N4BP1: variants seen among roughly 807,000 people sequenced by gnomAD.
The protein encoded by N4BP1 is NEDD4-binding protein 1.
Under a neutral mutation model 70.9 loss-of-function variants are expected in N4BP1, and 21 were observed. That is an observed-to-expected ratio of 0.30 (90% confidence interval 0.21 to 0.43). N4BP1 has a LOEUF of 0.43. Among genes scored for constraint, N4BP1 ranks in the 20% least tolerant of loss-of-function variants. The pLI, the probability that N4BP1 is intolerant of heterozygous loss-of-function variation, is 1.00. For synonymous variants in N4BP1, 387 were observed against 394.6 expected (o/e 0.98, Z 0.23); for missense variants, 936 against 1,069.4 (o/e 0.88, Z 1.74).
chr16:48,550,715 C>A (rs1455780493), intron 4 of N4BP1, among the ~76,000 whole-genome samples: 2 of 151,680 alleles, frequency 1.3e-5, no homozygotes, highest in Non-Finnish European at 2.9e-5. Context: ...ACCACCCTGG[C>A]CAACATGGAA....
chr16:48,540,659 C>T lies in N4BP1; in HGVS notation c.*2245G>A, dbSNP rs1449411530. ...CCTCCCTGTTGAATGAGAGTGACATCTCTGCCCTGCCACCTACTTTACATG... is the reference window on the plus strand; with the variant it reads ...CCTCCCTGTTGAATGAGAGTGACATTTCTGCCCTGCCACCTACTTTACATG... On this transcript the variant is annotated 3_prime_UTR_variant, in exon 7 of 7. Transcript: ENST00000262384. 6.6e-6 allele frequency: 1 copy of T among 152,282 alleles called. No individual in the cohort carries two copies. Among genetic ancestry groups the T allele is most frequent in the African/African-American group, 2.4e-5 (1 of 41,458 alleles). The allele number at this position is 152,282 out of a possible 1,614,324, so 9.4% of individuals were successfully genotyped here.
intron 1 of N4BP1, among the ~76,000 whole-genome samples, chr16:48,579,876 T>C (rs1447163145): frequency 6.6e-6 from 1 of 152,110 alleles, no homozygotes; most frequent in African/African-American, 2.4e-5. Flanking sequence ...AAAGTCATTA[T>C]AAAATATTAA....
intron 6 of N4BP1, among the ~76,000 whole-genome samples, chr16:48,545,016 G>A (rs113984423): frequency 6.6e-6 from 1 of 152,070 alleles, no homozygotes; most frequent in South Asian, 2.1e-4. Context: ...CCAGGCTGGA[G>A]TGTAGTGGCA....
At position 48,609,837 on chromosome 16, in the gene N4BP1, G is replaced by C. The variant is rs1490518679; in HGVS notation, c.136C>G (p.Pro46Ala). 1 of 1,488,064 alleles carries C rather than the reference G, an allele frequency of 6.7e-7. No individual in the cohort carries two copies. Among genetic ancestry groups the C allele is most frequent in the Non-Finnish European group, 8.9e-7 (1 of 1,123,896 alleles). The allele number at this position is 1,488,064 out of a possible 1,614,324, so 92.2% of individuals were successfully genotyped here. A position where few individuals can be genotyped will look rare whatever the true frequency, so the allele number is the denominator to read the frequency against. Reference sequence around the variant, plus strand: ...TGCAGCCAGATGCGCGCGGGCAGCGGCTCCTCAGCCCCTAGCGCGCCGAGC... The same window carrying C: ...TGCAGCCAGATGCGCGCGGGCAGCGCCTCCTCAGCCCCTAGCGCGCCGAGC... ...AVLGALGAEE[P>A]LPARIWLQLC... Residue 46 changes from proline (P) to alanine (A), a missense_variant, in exon 1 of 7, where the codon CCG becomes GCG. Transcript: ENST00000262384.
intron 1 of N4BP1, 31 bp from the exon 2 acceptor site, chr16:48,562,475 T>C (rs1327502741): frequency 6.5e-7 from 1 of 1,534,466 alleles, no homozygotes; most frequent in Non-Finnish European, 8.8e-7. Context: ...ATTAGGTCAA[T>C]TTACAAAAGT....
intron 3 of N4BP1, among the ~76,000 whole-genome samples, chr16:48,551,733 A>C (rs527643102): frequency 6.6e-6 from 1 of 152,316 alleles, no homozygotes; most frequent in East Asian, 1.9e-4. Context: ...TCTCAAGAAT[A>C]GTAGGCCAGG....
chr16:48,570,847 G>A (rs1964009340), intron 1 of N4BP1, among the ~76,000 whole-genome samples: 1 of 152,010 alleles, frequency 6.6e-6, no homozygotes, highest in African/African-American at 2.4e-5. Context: ...TGAGATAAGA[G>A]TCTCACTCTG....
intron 1 of N4BP1, among the ~76,000 whole-genome samples, chr16:48,599,203 C>T (rs1391369674): frequency 1.3e-5 from 2 of 152,126 alleles, no homozygotes; most frequent in Non-Finnish European, 2.9e-5. Flanking sequence ...GCCCCCGCCC[C>T]TCATCCCCAT....
chr16:48,566,094 T>C (rs1280189432), intron 1 of N4BP1, among the ~76,000 whole-genome samples: 2 of 152,178 alleles, frequency 1.3e-5, no homozygotes, highest in Non-Finnish European at 2.9e-5. Context: ...TTGTCAGTGT[T>C]TTCAACTTCA....
At chr16:48,594,867 T>C (rs1388108197) in intron 1 of N4BP1, among the ~76,000 whole-genome samples, 1 of 152,206 alleles carries the variant, frequency 6.6e-6, no homozygotes, top group Non-Finnish European at 1.5e-5. Context: ...TCTTGTCAAT[T>C]GTGTCTTTGA....
chr16:48,604,852 C>T (rs1033767481), intron 1 of N4BP1, among the ~76,000 whole-genome samples: 4 of 152,154 alleles, frequency 2.6e-5, no homozygotes, highest in Non-Finnish European at 5.9e-5. Flanking sequence ...CTGGACATCA[C>T]TGAGCCCTAC....
At chr16:48,559,357 A>T (rs995688388) in intron 2 of N4BP1, among the ~76,000 whole-genome samples, 3 of 152,216 alleles carry the variant, frequency 2.0e-5, no homozygotes, top group African/African-American at 7.2e-5. Flanking sequence ...AGCAATTCAG[A>T]AAAGTATTTT....
chr16:48,548,834 C>T (rs369549750), intron 4 of N4BP1, among the ~76,000 whole-genome samples: 32 of 125,862 alleles, frequency 2.5e-4, no homozygotes, highest in East Asian at 1.5e-3. Context: ...AACGAGACTG[C>T]TTCAAAAAAA....
At chr16:48,589,268 C>T (rs1964295406) in intron 1 of N4BP1, among the ~76,000 whole-genome samples, 1 of 152,056 alleles carries the variant, frequency 6.6e-6, no homozygotes, top group African/African-American at 2.4e-5. Flanking sequence ...TAGGTAGTAG[C>T]TTCAGGATGG....
intron 1 of N4BP1, among the ~76,000 whole-genome samples, chr16:48,570,760 T>G (rs1321274945): frequency 6.6e-6 from 1 of 152,230 alleles, no homozygotes; most frequent in Admixed American, 6.5e-5. Context: ...CTGTATTCAG[T>G]AGGACTGACA....
intron 1 of N4BP1, among the ~76,000 whole-genome samples, chr16:48,607,072 G>A (rs1567449375): frequency 1.3e-5 from 2 of 151,988 alleles, no homozygotes; most frequent in African/African-American, 4.8e-5. Flanking sequence ...GTCTCAAGGG[G>A]AGAAAAAAAA....
At chr16:48,592,628 T>C (rs1220101587) in intron 1 of N4BP1, among the ~76,000 whole-genome samples, 1 of 152,222 alleles carries the variant, frequency 6.6e-6, no homozygotes, top group African/African-American at 2.4e-5. Context: ...TCAGAAAAAC[T>C]AAAACTAATG....
rs547046186 is a variant in N4BP1 at position 48,553,423 on chromosome 16, T to C, written c.2020+116A>G. 6.9e-5 allele frequency: 73 copies of C among 1,058,426 alleles called. 1 individual carries two copies. The South Asian group carries it at 2.1e-3, about 31-fold the overall frequency. The allele number at this position is 1,058,426 out of a possible 1,614,324, so 65.6% of individuals were successfully genotyped here. A position where few individuals can be genotyped will look rare whatever the true frequency, so the allele number is the denominator to read the frequency against. ...GCTAGGTGCAGTAGATTTACAATTT[T>C]ATTTTTAAAGCCGCTGCCTATGGCA... On this transcript the variant is annotated intron_variant, in intron 3 of 6. Coordinates refer to ENST00000262384, the MANE Select transcript of N4BP1 (RefSeq NM_153029.4).
rs1301154862 is a variant in N4BP1, at chr16:48,571,263, C to CG, written c.199-8820_199-8819insC. On this transcript the variant is annotated intron_variant, in intron 1 of 6. Coordinates refer to ENST00000262384, the MANE Select transcript of N4BP1 (RefSeq NM_153029.4). ...TTGATCATATCTCCTCCGTGGGCCA[C>CG]CAGCAACAACCAGCCAAGCTGAAGA... is the stretch of plus-strand genomic sequence containing the variant. Among the ~76,000 whole-genome samples, 9 of 152,240 alleles carry CG rather than the reference C, an allele frequency of 5.9e-5. No individual in the cohort carries two copies. The East Asian group carries it at 1.7e-3, about 29-fold the overall frequency.
Sources: gnomAD v4.1 joint callset for allele counts (sites outside exome capture counted in the v4.1 genomes callset) on GRCh38, gnomAD v4.1.1 for gene constraint, MANE v1.5 for transcripts, NCBI Gene and HGNC (gene_info 2026-07-23, HGNC 2026-07-21) for gene names.